Variants in AOPEP observed in about 807,000 individuals in gnomAD.
The protein encoded by AOPEP is aminopeptidase O (putative).
In AOPEP, 77 loss-of-function variants were observed where a neutral mutation model predicts 98.1. The observed-to-expected ratio is 0.78, with a 90% CI of 0.65 to 0.95. The LOEUF (loss-of-function observed/expected upper bound fraction) is 0.95, where lower values mean the gene tolerates loss of function less well. AOPEP is among the 40% of genes least tolerant of loss of function. AOPEP has a pLI of 0.00. For missense variants in AOPEP, 1,024 were observed against 1,024.7 expected (o/e 1.00, Z 0.01); for synonymous variants, 346 against 365.3 (o/e 0.95, Z 0.60).
chr9:94,887,759 A>G (rs2048401681), intron 5 of AOPEP, among the ~76,000 whole-genome samples: 1 of 152,166 alleles, frequency 6.6e-6, no homozygotes, highest in Admixed American at 6.5e-5. Flanking sequence ...GGACAGATAG[A>G]CCTGTGCACA....
chr9:94,777,911 A>G (rs1226181640), intron 3 of AOPEP, among the ~76,000 whole-genome samples: 4 of 152,098 alleles, frequency 2.6e-5, no homozygotes, highest in Non-Finnish European at 5.9e-5. Flanking sequence ...GGTGTGAGCC[A>G]CCGTGCCTGG....
At position 95,005,605 on chromosome 9, in the gene AOPEP, G is replaced by A; in HGVS notation, c.2104G>A (p.Val702Met). The A allele has an allele frequency of 6.2e-7, 1 of 1,614,062 alleles. No individual in the cohort carries two copies. Among genetic ancestry groups the A allele is most frequent in the Non-Finnish European group, 8.5e-7 (1 of 1,179,948 alleles). ...RKRKRREKEEVFEKLLPDQLV... is the reference protein window; with the variant it reads ...RKRKRREKEEMFEKLLPDQLV... Reference sequence around the variant, plus strand: ...ACGGAAGCGCAGGGAGAAGGAAGAGGTGTTTGAAAAGGTAGGGGTTCCCGA... The same window carrying A: ...ACGGAAGCGCAGGGAGAAGGAAGAGATGTTTGAAAAGGTAGGGGTTCCCGA... Residue 702 changes from valine (V) to methionine (M), a missense_variant, in exon 13 of 17, where the codon GTG becomes ATG. Val to Met is a conservative substitution (Grantham distance 21). This residue lies in a region of AOPEP where 566 missense variants were observed against 551.7 expected (regional missense o/e 1.03). Coordinates refer to ENST00000375315, the MANE Select transcript of AOPEP (RefSeq NM_001193329.3).
intron 13 of AOPEP, among the ~76,000 whole-genome samples, chr9:95,033,043 G>T (rs1444840280): frequency 6.6e-6 from 1 of 152,186 alleles, no homozygotes; most frequent in Non-Finnish European, 1.5e-5. Flanking sequence ...GCAGTTGGAA[G>T]CACACCTGAC....
At chr9:94,935,293 C>A (rs571237396) in intron 7 of AOPEP, 3 of 152,304 alleles carry the variant, frequency 2.0e-5, no homozygotes, top group Non-Finnish European at 4.4e-5. Flanking sequence ...CAGGTGACAG[C>A]ATCATGCTTC....
rs1843190423 is a variant in AOPEP, at chr9:94,781,308, A to G, written c.964+8140A>G. ...CCCAATGCCTAATACAGTGCCTTGTATAGAATAAGTGCCCAATATGCATTT... is the reference window on the plus strand; with the variant it reads ...CCCAATGCCTAATACAGTGCCTTGTGTAGAATAAGTGCCCAATATGCATTT... On this transcript the variant is annotated intron_variant, in intron 3 of 16. Transcript: ENST00000375315. Among the ~76,000 whole-genome samples the G allele has an allele frequency of 2.0e-5, 3 of 152,160 alleles. No individual in the cohort carries two copies. The South Asian group carries it at 6.2e-4, about 32-fold the overall frequency.
the AOPEP span, among the ~76,000 whole-genome samples, chr9:95,104,776 T>C: frequency 2.6e-5 from 4 of 152,066 alleles, no homozygotes; most frequent in Non-Finnish European, 4.4e-5. Context: ...CCTTCTCCAC[T>C]CACACGGGCC....
intron 10 of AOPEP, among the ~76,000 whole-genome samples, chr9:94,975,503 G>A (rs1226809511): frequency 2.0e-5 from 3 of 152,292 alleles, no homozygotes; most frequent in African/African-American, 4.8e-5. Context: ...TGAGTTGGCC[G>A]AAGACTGTGG....
chr9:94,896,808 A>C (rs2049631873), intron 5 of AOPEP, among the ~76,000 whole-genome samples: 1 of 152,188 alleles, frequency 6.6e-6, no homozygotes, highest in Non-Finnish European at 1.5e-5. Context: ...TCTGGTAAAA[A>C]CTAAGGAATT....
chr9:94,993,187 G>A (rs773072274), intron 11 of AOPEP, among the ~76,000 whole-genome samples: 2 of 152,172 alleles, frequency 1.3e-5, no homozygotes, highest in South Asian at 2.1e-4. Flanking sequence ...AAATTCCTAC[G>A]GGTCAGTAGT....
intron 7 of AOPEP, among the ~76,000 whole-genome samples, chr9:94,936,748 G>A (rs1393054525): frequency 6.6e-6 from 1 of 152,154 alleles, no homozygotes; most frequent in East Asian, 1.9e-4. Flanking sequence ...CCAGTCACAC[G>A]CCCCAGGTTG....
intron 11 of AOPEP, among the ~76,000 whole-genome samples, chr9:94,982,994 A>T (rs2060285773): frequency 6.6e-6 from 1 of 152,052 alleles, no homozygotes; most frequent in South Asian, 2.1e-4. Context: ...TTTAGTTGCT[A>T]CAGAACTGCG....
intron 5 of AOPEP, among the ~76,000 whole-genome samples, chr9:94,820,484 T>G (rs891960760): frequency 1.3e-5 from 2 of 152,226 alleles, no homozygotes; most frequent in African/African-American, 4.8e-5. Context: ...TATTAGGCCT[T>G]AAAGAGTTTC....
At chr9:94,960,255 C>T (rs1427333554) in intron 9 of AOPEP, among the ~76,000 whole-genome samples, 1 of 151,904 alleles carries the variant, frequency 6.6e-6, no homozygotes, top group Non-Finnish European at 1.5e-5. Flanking sequence ...ACTAAAAATA[C>T]AAAAATTAGC....
intron 5 of AOPEP, among the ~76,000 whole-genome samples, chr9:94,816,399 T>G (rs1714634429): frequency 8.1e-4 from 1 of 1,228 alleles, no homozygotes; most frequent in Non-Finnish European, 1.4e-3. Flanking sequence ...AGCCTGAAAT[T>G]CGTCCTGAAT....
At chr9:95,024,221 A>G (rs1294196786) in intron 13 of AOPEP, among the ~76,000 whole-genome samples, 1 of 152,140 alleles carries the variant, frequency 6.6e-6, no homozygotes, top group Non-Finnish European at 1.5e-5. Flanking sequence ...TGAGAAGTTT[A>G]TTTTAAATGG....
intron 13 of AOPEP, among the ~76,000 whole-genome samples, chr9:95,051,147 T>C (rs961890855): frequency 4.1e-5 from 6 of 146,180 alleles, no homozygotes; most frequent in African/African-American, 1.5e-4. Flanking sequence ...TGAAGTGCAA[T>C]GGCGTGATCT....
At position 94,961,038 on chromosome 9, in the gene AOPEP, G is replaced by A. The variant is rs2058804268; in HGVS notation, c.1872+5023G>A. Among the ~76,000 whole-genome samples, 4 of 147,310 alleles carry A rather than the reference G, an allele frequency of 2.7e-5. No individual in the cohort carries two copies. In the South Asian group the frequency reaches 8.5e-4, roughly 31 times the overall value. ...CAAAAAAAAAAAAAAAAGAATGCTT[G>A]CCTGTTTTCTTTATATTTGAATTAT... On this transcript the variant is annotated intron_variant, in intron 9 of 16. Transcript: ENST00000375315.
chr9:95,073,011 G>A (rs973273118), intron 14 of AOPEP, among the ~76,000 whole-genome samples: 9 of 152,218 alleles, frequency 5.9e-5, no homozygotes, highest in African/African-American at 2.2e-4. Flanking sequence ...CTGGGGCAAG[G>A]CTAAGGGAGC....
At position 94,773,082 on chromosome 9, in the gene AOPEP, C is replaced by T. The variant is rs1841256164; in HGVS notation, c.878C>T (p.Thr293Ile). The T allele has an allele frequency of 1.2e-6, 2 of 1,614,146 alleles. No homozygotes were observed. The highest frequency in any genetic ancestry group is 1.7e-6 in the Non-Finnish European group (2 of 1,180,020). The change falls in exon 3 of 17, where the codon ACA (threonine) becomes ATA (isoleucine). Residue 293 changes from threonine to isoleucine, a missense_variant. This residue lies in a region of AOPEP where 440 missense variants were observed against 433.8 expected (regional missense o/e 1.01). Transcript: ENST00000375315. The stretch of plus-strand genomic sequence containing the variant: ...CAGGAGCCACCCGTTGCCATGTCAA[C>T]ATGGCAGGCTACAGTTCGAGCAGCT... ...PCQEPPVAMS[T>I]WQATVRAAAS...
Sources: gnomAD v4.1 joint callset for allele counts (sites outside exome capture counted in the v4.1 genomes callset) on GRCh38, gnomAD v4.1.1 for gene constraint, gnomAD v4.1.1 regional missense constraint, MANE v1.5 for transcripts, NCBI Gene and HGNC (gene_info 2026-07-23, HGNC 2026-07-21) for gene names.